The following RIMS4 variants were observed in gnomAD, a reference collection of about 807,000 sequenced individuals.
RIMS4 encodes the protein regulating synaptic membrane exocytosis protein 4.
A neutral mutation model predicts 29.0 loss-of-function variants in RIMS4; 9 were observed. The ratio of observed to expected loss-of-function variants is 0.31; its 90% CI spans 0.19 to 0.54. The LOEUF is 0.54. Ranked by LOEUF, RIMS4 falls within the 20% of genes least tolerant of loss-of-function variation. The pLI is 0.94. For synonymous variants in RIMS4, 130 were observed against 152.9 expected (o/e 0.85, Z 1.10); for missense variants, 193 against 365.7 (o/e 0.53, Z 3.85).
chr20:44,777,865 C>T (rs1601030189), intron 1 of RIMS4, among the ~76,000 whole-genome samples: 2 of 152,306 alleles, frequency 1.3e-5, no homozygotes, highest in East Asian at 1.9e-4. Flanking sequence ...TGTGAAGTTC[C>T]CCCAGACACA....
chr20:44,756,955 G>A lies in RIMS4; in HGVS notation c.534C>T (p.Asp178=). 1 of 1,614,150 alleles carries A rather than the reference G, an allele frequency of 6.2e-7. No homozygotes were observed. The change falls in exon 5 of 6, where the codon GAC becomes GAT. Residue 178 remains aspartate (D), a synonymous_variant. Transcript: ENST00000372851. The surrounding 1 kb of genome is among the most constrained non-coding windows in gnomAD (Gnocchi z 5.9). The part of the protein sequence containing the change: ...KKTKVARKSL[D]PLYNQVLLFP... ...ACAGCAGCACCTGGTTATACAGTGGGTCCAGCGACTTGCGAGCGACTTTGG... is the reference window on the plus strand; with the variant it reads ...ACAGCAGCACCTGGTTATACAGTGGATCCAGCGACTTGCGAGCGACTTTGG...
chr20:44,797,719 T>C (rs137987247), intron 1 of RIMS4, among the ~76,000 whole-genome samples: 321 of 152,310 alleles, frequency 2.1e-3, no homozygotes, highest in Non-Finnish European at 3.8e-3. Flanking sequence ...AGACGAGCCC[T>C]AATTTAAAGC....
chr20:44,807,702 T>C (rs2066304945), intron 1 of RIMS4, among the ~76,000 whole-genome samples: 1 of 152,174 alleles, frequency 6.6e-6, no homozygotes, highest in Admixed American at 6.5e-5. Flanking sequence ...AAAGGCTTCT[T>C]TTAGGAGAAA....
In RIMS4 at chr20:44,753,350, G is replaced by A. The variant is rs547000339; in HGVS notation, c.*2784C>T. 1.3e-5 allele frequency: 2 copies of A among 152,510 alleles called. No individual in the cohort carries two copies. Among genetic ancestry groups the A allele is most frequent in the East Asian group, 3.9e-4 (2 of 5,174 alleles). 9.4% of individuals were successfully genotyped at this position (152,510 alleles called of 1,614,324 possible). On this transcript the variant is annotated 3_prime_UTR_variant, in exon 6 of 6. Transcript: ENST00000372851. ...GCCACTGAACACACAGGTGACTCCA[G>A]GGGTGGCTTTTCCCCCAAGCTGGGT... is the stretch of plus-strand genomic sequence containing the variant.
intron 1 of RIMS4, among the ~76,000 whole-genome samples, chr20:44,805,203 G>A (rs116414004): frequency 1.4e-3 from 210 of 152,224 alleles, no homozygotes; most frequent in African/African-American, 4.9e-3. Flanking sequence ...CCACTTGGGA[G>A]GCTGAAGTGA....
chr20:44,765,850 C>G (rs1374553733), intron 2 of RIMS4, among the ~76,000 whole-genome samples: 1 of 152,192 alleles, frequency 6.6e-6, no homozygotes. Flanking sequence ...TGGGAGCCAG[C>G]CTGGAGCGCT....
chr20:44,801,573 C>A (rs2066277436), intron 1 of RIMS4, among the ~76,000 whole-genome samples: 1 of 152,186 alleles, frequency 6.6e-6, no homozygotes, highest in Non-Finnish European at 1.5e-5. Flanking sequence ...GGGACCATGT[C>A]CTGTTCTCTC....
At chr20:44,776,262 C>CAAAACA (rs559644789) in intron 1 of RIMS4, among the ~76,000 whole-genome samples, 85 of 152,170 alleles carry the variant, frequency 5.6e-4, no homozygotes, top group South Asian at 2.1e-3. Flanking sequence ...AATCCTATCT[C>CAAAACA]AAAACAAAAA....
intron 1 of RIMS4, among the ~76,000 whole-genome samples, chr20:44,798,817 T>C (rs1185539274): frequency 6.6e-6 from 1 of 152,256 alleles, no homozygotes; most frequent in East Asian, 1.9e-4. Flanking sequence ...CTTCTTCTCC[T>C]GCCCCATGCT....
chr20:44,778,158 G>A (rs2066168641), intron 1 of RIMS4, among the ~76,000 whole-genome samples: 1 of 152,218 alleles, frequency 6.6e-6, no homozygotes, highest in African/African-American at 2.4e-5. Flanking sequence ...CACTGATGTT[G>A]CCTCTGGCTG....
At chr20:44,803,640 G>A (rs567518935) in intron 1 of RIMS4, among the ~76,000 whole-genome samples, 7 of 151,794 alleles carry the variant, frequency 4.6e-5, no homozygotes, top group Non-Finnish European at 1.0e-4. Flanking sequence ...CTCAGTTTCC[G>A]AGTGAATCAG....
rs2066062689 is a variant in RIMS4 at position 44,756,825 on chromosome 20, C to G, written c.591+73G>C. The G allele has an allele frequency of 2.1e-5, 31 of 1,462,068 alleles. 1 individual carries two copies. In the South Asian group the frequency reaches 3.7e-4, roughly 18 times the overall value. 90.6% of individuals were successfully genotyped at this position (1,462,068 alleles called of 1,614,324 possible). ...CAGAGACACCCCCCGCCAGGGGTGC[C>G]CTCCTCTCATTCTGGTACTGTGCAT... On this transcript the variant is annotated intron_variant, in intron 5 of 5. Transcript: ENST00000372851. This position sits in a 1 kb window ranked among gnomAD's most constrained non-coding sequence, Gnocchi z 5.9.
At chr20:44,780,803 A>G (rs184534249) in intron 1 of RIMS4, among the ~76,000 whole-genome samples, 2 of 152,304 alleles carry the variant, frequency 1.3e-5, no homozygotes, top group East Asian at 3.9e-4. Context: ...TTTTTCCAAG[A>G]GGATTTGAAG....
intron 1 of RIMS4, among the ~76,000 whole-genome samples, chr20:44,783,595 G>C (rs1474515844): frequency 6.6e-6 from 1 of 151,924 alleles, no homozygotes; most frequent in African/African-American, 2.4e-5. Context: ...CTGCACTCCA[G>C]CCTGGTTGAC....
At position 44,806,937 on chromosome 20, in the gene RIMS4, C is replaced by T. The variant is rs138767617; in HGVS notation, c.97+3238G>A. Among the ~76,000 whole-genome samples, 80 of 152,266 alleles carry T rather than the reference C, an allele frequency of 5.3e-4. 1 individual carries two copies. The South Asian group carries it at 0.014, about 26-fold the overall frequency. On this transcript the variant is annotated intron_variant, in intron 1 of 5. Transcript: ENST00000372851. ...TTTTAAAATGCCTGGGAATATGTCT[C>T]GCACAAAGGTAATCATTTGTAAAAT...
rs540524140 is a variant in RIMS4 at position 44,769,748 on chromosome 20, A to G, written c.236+1527T>C. ...GGCAAGGCCATTCACGAGGCTGAAG[A>G]TGCCCAGTTTAGGAGGGGCTGGGGG... On this transcript the variant is annotated intron_variant, in intron 2 of 5. Transcript: ENST00000372851. Among the ~76,000 whole-genome samples, 84 of 152,298 alleles carry G rather than the reference A, an allele frequency of 5.5e-4. No individual in the cohort carries two copies. The South Asian group carries it at 0.016, about 30-fold the overall frequency.
Position 44,752,620 on chromosome 20 carries a change from G to A in RIMS4, c.*3514C>T, listed in dbSNP as rs544067891. On this transcript the variant is annotated 3_prime_UTR_variant, in exon 6 of 6. Coordinates refer to ENST00000372851, the MANE Select transcript of RIMS4 (RefSeq NM_182970.4). The stretch of plus-strand genomic sequence containing the variant: ...CACCACCTACTCCCCAGGGGCTCTT[G>A]TGAGGGCCGAAGGGCACACTCGAGA... 1 of 152,510 alleles carries A rather than the reference G, an allele frequency of 6.6e-6. No individual in the cohort carries two copies. Among genetic ancestry groups the A allele is most frequent in the African/African-American group, 2.4e-5 (1 of 41,592 alleles). 9.4% of individuals were successfully genotyped at this position (152,510 alleles called of 1,614,324 possible).
chr20:44,791,434 G>A (rs1422755131), intron 1 of RIMS4, among the ~76,000 whole-genome samples: 4 of 152,162 alleles, frequency 2.6e-5, no homozygotes, highest in Non-Finnish European at 5.9e-5. Context: ...TGGGAATAGC[G>A]ACAGAACCTT....
intron 1 of RIMS4, among the ~76,000 whole-genome samples, chr20:44,784,797 T>C (rs2066200757): frequency 6.6e-6 from 1 of 152,238 alleles, no homozygotes; most frequent in Non-Finnish European, 1.5e-5. Context: ...CCTCCCTTGG[T>C]TGCTTTTCTC....
Sources: allele counts gnomAD v4.1 joint callset (sites outside exome capture counted in the v4.1 genomes callset), GRCh38; gene constraint gnomAD v4.1.1; non-coding constraint Gnocchi (gnomAD v3.1); transcripts MANE v1.5; gene names NCBI Gene and HGNC (gene_info 2026-07-23, HGNC 2026-07-21).